SYCP1: variants seen among roughly 807,000 people sequenced by gnomAD.
SYCP1 encodes cancer/testis antigen 8.
A neutral mutation model predicts 153.1 loss-of-function variants in SYCP1; 64 were observed. The ratio of observed to expected loss-of-function variants is 0.42; its 90% confidence interval spans 0.34 to 0.51. The LOEUF is 0.51. Ranked by LOEUF, SYCP1 falls within the 20% of genes least tolerant of loss-of-function variation. The pLI, the probability that SYCP1 is intolerant of heterozygous loss-of-function variation, is 0.06. For synonymous variants in SYCP1, 384 were observed against 341.8 expected (o/e 1.12, Z -1.36); for missense variants, 997 against 1,049.0 (o/e 0.95, Z 0.68).
At chr1:114,930,400 A>G (rs559497560) in intron 23 of SYCP1, among the ~76,000 whole-genome samples, 28 of 151,972 alleles carry the variant, frequency 1.8e-4, no homozygotes, top group Non-Finnish European at 3.2e-4. Context: ...AATAAAGCTG[A>G]TAAGCCCTAG....
At chr1:114,947,738 G>A (rs1290338925) in intron 27 of SYCP1, among the ~76,000 whole-genome samples, 8 of 140,314 alleles carry the variant, frequency 5.7e-5, no homozygotes, top group African/African-American at 2.1e-4. Context: ...GCGTGAACCC[G>A]GGAGGCGGAG....
At chr1:114,857,104 C>CTAGGCAA in intron 3 of SYCP1, 128 bp from the exon 4 acceptor site, 1 of 680,396 alleles carries the variant, frequency 1.5e-6, no homozygotes, top group Non-Finnish European at 2.1e-6. Flanking sequence ...GCCCTCTAGT[C>CTAGGCAA]TAGGCAATAG....
intron 15 of SYCP1, among the ~76,000 whole-genome samples, chr1:114,892,070 T>C (rs1375476223): frequency 6.6e-6 from 1 of 152,076 alleles, no homozygotes; most frequent in Non-Finnish European, 1.5e-5. Flanking sequence ...GGCTGACCCT[T>C]CATCAGGCAC....
chr1:114,879,748 C>A (rs906804585), intron 12 of SYCP1, among the ~76,000 whole-genome samples: 6 of 152,116 alleles, frequency 3.9e-5, no homozygotes, highest in Non-Finnish European at 8.8e-5. Flanking sequence ...GAAGTGTGTT[C>A]ATTTAAGTGA....
At chr1:114,994,114 A>G (rs938267957) in intron 30 of SYCP1, among the ~76,000 whole-genome samples, 2 of 151,172 alleles carry the variant, frequency 1.3e-5, no homozygotes, top group African/African-American at 4.8e-5. Context: ...TTGCTTATTT[A>G]TTCATCCACG....
At chr1:114,925,097 G>T (rs2101734598) in intron 21 of SYCP1, among the ~76,000 whole-genome samples, 1 of 152,246 alleles carries the variant, frequency 6.6e-6, no homozygotes, top group African/African-American at 2.4e-5. Flanking sequence ...CTAAGAGGTA[G>T]TAGAGGTGGT....
At chr1:114,945,663 C>T (rs1265157149) in intron 25 of SYCP1, among the ~76,000 whole-genome samples, 1 of 152,150 alleles carries the variant, frequency 6.6e-6, no homozygotes, top group Non-Finnish European at 1.5e-5. Flanking sequence ...CATTTTCCCA[C>T]CTTTGGCTAG....
chr1:114,937,833 A>C (rs193182319), intron 23 of SYCP1, among the ~76,000 whole-genome samples: 145 of 152,360 alleles, frequency 9.5e-4, no homozygotes, highest in African/African-American at 3.3e-3. Flanking sequence ...AATGCAAATC[A>C]AAACCACAAT....
intron 14 of SYCP1, among the ~76,000 whole-genome samples, chr1:114,886,866 A>G (rs1436838783): frequency 6.6e-6 from 1 of 152,056 alleles, no homozygotes; most frequent in Non-Finnish European, 1.5e-5. Flanking sequence ...TTTCATCTAA[A>G]TAGCAGTTTT....
intron 21 of SYCP1, among the ~76,000 whole-genome samples, chr1:114,925,944 T>G (rs1669223406): frequency 6.6e-6 from 1 of 152,006 alleles, no homozygotes. Context: ...AACATATTCA[T>G]CACTTCACAT....
intron 16 of SYCP1, among the ~76,000 whole-genome samples, chr1:114,904,968 A>C (rs1348642326): frequency 6.6e-6 from 1 of 152,228 alleles, no homozygotes; most frequent in Admixed American, 6.5e-5. Flanking sequence ...TCTTTAGACC[A>C]TTAATGTGGT....
At position 114,911,503 on chromosome 1, in the gene SYCP1, C is replaced by A; in HGVS notation, c.1450C>A (p.Gln484Lys). 6.4e-7 allele frequency: 1 copy of A among 1,555,772 alleles called. No homozygotes were observed. The highest frequency in any genetic ancestry group is 1.3e-5 in the South Asian group (1 of 78,436). ...GAAAGAAGTACATGATTTGGAAATA[C>A]AGTTAACTGCCATTACCACAAGTGA... The part of the protein sequence containing the change: ...REKEVHDLEI[Q>K]LTAITTSEQY... Residue 484 changes from glutamine (Q) to lysine (K), a missense_variant, in exon 18 of 32, where the codon CAG (glutamine) becomes AAG (lysine). Gln to Lys is a moderately conservative substitution (Grantham distance 53). Around this residue, in one of 2 missense-constraint regions of SYCP1, gnomAD observed 712 missense variants for 682.9 expected, o/e 1.04. Coordinates refer to ENST00000369522, the MANE Select transcript of SYCP1 (RefSeq NM_003176.4).
At chr1:114,859,212 C>T (rs1664213955) in intron 6 of SYCP1, among the ~76,000 whole-genome samples, 1 of 152,112 alleles carries the variant, frequency 6.6e-6, no homozygotes, top group African/African-American at 2.4e-5. Context: ...CTCAGCCTCC[C>T]AAGTAGCTGG....
chr1:114,855,252 A>T (rs1417111869), intron 1 of SYCP1, 189 bp from the exon 2 acceptor site: 6 of 317,920 alleles, frequency 1.9e-5, no homozygotes, highest in Non-Finnish European at 3.5e-5. Context: ...GGAGAAGGAA[A>T]CGAGGGTTTA....
intron 11 of SYCP1, 200 bp downstream of exon 11, chr1:114,877,010 T>G (rs575318152): frequency 8.0e-6 from 2 of 251,456 alleles, no homozygotes; most frequent in South Asian, 1.7e-4. Flanking sequence ...TAGCTTTTTT[T>G]GGGTTTTAAT....
At chr1:114,984,676 TG>T (rs764180923) in intron 29 of SYCP1, 48 bp from the exon 30 acceptor site, 2 of 1,249,320 alleles carry the variant, frequency 1.6e-6, no homozygotes, top group Non-Finnish European at 2.1e-6. Context: ...TTATTAATAA[TG>T]CATATTTTAT....
At chr1:114,857,568 C>A in intron 5 of SYCP1, 71 bp downstream of exon 5, 1 of 1,072,914 alleles carries the variant, frequency 9.3e-7, no homozygotes, top group Non-Finnish European at 1.3e-6. Context: ...ATGTATATTT[C>A]TTTTGAAGCT....
chr1:114,994,979 G>GAAAA lies in SYCP1; in HGVS notation c.2898_2901dup (p.Leu968LysfsTer6). 7.1e-7 allele frequency: 1 copy of GAAAA among 1,404,948 alleles called. No individual in the cohort carries two copies. Among genetic ancestry groups the GAAAA allele is most frequent in the Non-Finnish European group, 9.7e-7 (1 of 1,028,938 alleles). The allele number at this position is 1,404,948 out of a possible 1,614,324, so 87.0% of individuals were successfully genotyped here. A position where few individuals can be genotyped will look rare whatever the true frequency, so the allele number is the denominator to read the frequency against. ...TGGGCTGTAATTGCTAAAATGGATA[G>GAAAA]AAAAAAAAAACTAAAAGAAGCTGAA... On this transcript the variant is annotated frameshift_variant, in exon 32 of 32. Coordinates refer to ENST00000369522, the MANE Select transcript of SYCP1 (RefSeq NM_003176.4). LOFTEE classifies it high-confidence loss of function.
chr1:114,863,703 C>A (rs932558661), intron 8 of SYCP1, among the ~76,000 whole-genome samples: 1 of 152,072 alleles, frequency 6.6e-6, no homozygotes, highest in Non-Finnish European at 1.5e-5. Context: ...AGCTTTTTTT[C>A]ACATGTTTGT....
Sources: gnomAD v4.1 joint callset for allele counts (sites outside exome capture counted in the v4.1 genomes callset) on GRCh38, gnomAD v4.1.1 for gene constraint, gnomAD v4.1.1 regional missense constraint, MANE v1.5 for transcripts, NCBI Gene and HGNC (gene_info 2026-07-23, HGNC 2026-07-21) for gene names.